CTDSPL: variants seen among roughly 807,000 people sequenced by gnomAD.
The protein encoded by CTDSPL is CTD small phosphatase like, also known as CTD small phosphatase-like protein.
Under a neutral mutation model 30.5 loss-of-function variants are expected in CTDSPL, and 8 were observed. The observed-to-expected ratio is 0.26, with a 90% CI of 0.15 to 0.47. The LOEUF (loss-of-function observed/expected upper bound fraction) is 0.47. Ranked by LOEUF, CTDSPL falls within the 20% of genes least tolerant of loss-of-function variation. The pLI, the probability that CTDSPL is intolerant of heterozygous loss-of-function variation, is 0.99. For missense variants in CTDSPL, 248 were observed against 366.1 expected (o/e 0.68, Z 2.63); for synonymous variants, 110 against 137.9 (o/e 0.80, Z 1.42).
chr3:37,955,376 G>A (rs139924454), intron 2 of CTDSPL, among the ~76,000 whole-genome samples: 267 of 152,254 alleles, frequency 1.8e-3, no homozygotes, highest in African/African-American at 6.0e-3. Flanking sequence ...GCAGTGAGCC[G>A]TGATCACACC....
intron 1 of CTDSPL, among the ~76,000 whole-genome samples, chr3:37,888,903 C>T (rs1256425586): frequency 6.6e-6 from 1 of 152,236 alleles, no homozygotes; most frequent in Non-Finnish European, 1.5e-5. Context: ...TGCCTCAGCA[C>T]TTGTTAGCCT....
chr3:37,960,500 A>T (rs1313355530), intron 3 of CTDSPL, among the ~76,000 whole-genome samples: 8 of 58,218 alleles, frequency 1.4e-4, no homozygotes, highest in African/African-American at 5.6e-4. Flanking sequence ...AAAAAAAAAA[A>T]AAAAAATATA....
At chr3:37,887,027 GA>G (rs976634064) in intron 1 of CTDSPL, among the ~76,000 whole-genome samples, 2 of 152,146 alleles carry the variant, frequency 1.3e-5, no homozygotes, top group African/African-American at 4.8e-5. Context: ...AAGCTTTTCT[GA>G]AGCTTTCTCA....
intron 1 of CTDSPL, among the ~76,000 whole-genome samples, chr3:37,900,053 T>C (rs1428356132): frequency 6.6e-6 from 1 of 152,212 alleles, no homozygotes; most frequent in Non-Finnish European, 1.5e-5. Context: ...CCTGGGGCCT[T>C]TAATCACAAT....
At chr3:37,916,974 C>T (rs1352023309) in intron 1 of CTDSPL, among the ~76,000 whole-genome samples, 1 of 152,134 alleles carries the variant, frequency 6.6e-6, no homozygotes, top group Non-Finnish European at 1.5e-5. Flanking sequence ...GCTTTCTGCT[C>T]CACTGACATG....
intron 1 of CTDSPL, among the ~76,000 whole-genome samples, chr3:37,925,501 C>T (rs1426085938): frequency 1.3e-5 from 2 of 152,178 alleles, no homozygotes; most frequent in Non-Finnish European, 2.9e-5. Flanking sequence ...AGGGCCTTGC[C>T]TTCACCTATC....
At position 37,927,677 on chromosome 3, in the gene CTDSPL, T is replaced by TGTGA. The variant is rs61490602; in HGVS notation, c.80-19378_80-19377insGAGT. Among the ~76,000 whole-genome samples the TGTGA allele has an allele frequency of 1.8e-4, 22 of 122,268 alleles. No homozygotes were observed. In the Admixed American group the frequency reaches 1.8e-3, roughly 10 times the overall value. 80.2% of individuals were successfully genotyped at this position (122,268 alleles called of 152,430 possible). A position where few individuals can be genotyped will look rare whatever the true frequency, so the allele number is the denominator to read the frequency against. ...GTGTGTGTGTGTGTGTGTGTGTGTG[T>TGTGA]GTATGTGTATATATATATATATATA... On this transcript the variant is annotated intron_variant, in intron 1 of 7. Transcript: ENST00000273179.
At chr3:37,863,690 C>G (rs1391108997) in intron 1 of CTDSPL, among the ~76,000 whole-genome samples, 1 of 152,144 alleles carries the variant, frequency 6.6e-6, no homozygotes, top group African/African-American at 2.4e-5. Flanking sequence ...GTGTGCAGCC[C>G]CTGCTAGAAA....
At chr3:37,925,201 C>T (rs1475179288) in intron 1 of CTDSPL, among the ~76,000 whole-genome samples, 2 of 152,164 alleles carry the variant, frequency 1.3e-5, no homozygotes, top group Non-Finnish European at 2.9e-5. Context: ...CCTTGTTTGA[C>T]CCCTCTGAAT....
intron 1 of CTDSPL, among the ~76,000 whole-genome samples, chr3:37,940,123 A>G (rs978282197): frequency 6.0e-5 from 9 of 149,990 alleles, no homozygotes; most frequent in African/African-American, 2.2e-4. Flanking sequence ...ACCCCTCGCT[A>G]CTCATAGTCC....
chr3:37,955,640 C>T (rs560477785), intron 2 of CTDSPL, among the ~76,000 whole-genome samples: 2 of 152,108 alleles, frequency 1.3e-5, no homozygotes, highest in African/African-American at 4.8e-5. Flanking sequence ...GAGCTAAACA[C>T]TGAATACTCA....
intron 1 of CTDSPL, among the ~76,000 whole-genome samples, chr3:37,926,062 T>G (rs1321081576): frequency 6.6e-6 from 1 of 152,194 alleles, no homozygotes; most frequent in Non-Finnish European, 1.5e-5. Flanking sequence ...AATAAGCAAG[T>G]GTTGGATGAA....
chr3:37,916,789 G>A (rs1423884863), intron 1 of CTDSPL, among the ~76,000 whole-genome samples: 2 of 152,164 alleles, frequency 1.3e-5, no homozygotes, highest in African/African-American at 4.8e-5. Context: ...GCTTTATAAT[G>A]TACAGAGTAC....
intron 2 of CTDSPL, among the ~76,000 whole-genome samples, chr3:37,956,015 A>G (rs1699168801): frequency 6.6e-6 from 1 of 152,216 alleles, no homozygotes; most frequent in Non-Finnish European, 1.5e-5. Flanking sequence ...GGAGAGCAGC[A>G]TAGCTCTGCC....
intron 1 of CTDSPL, among the ~76,000 whole-genome samples, chr3:37,866,369 G>T (rs906467235): frequency 6.6e-6 from 1 of 152,024 alleles, no homozygotes; most frequent in Non-Finnish European, 1.5e-5. Flanking sequence ...TAGAAATACA[G>T]AAAAAGTAAT....
At chr3:37,941,306 C>CT (rs1232728615) in intron 1 of CTDSPL, among the ~76,000 whole-genome samples, 2 of 150,196 alleles carry the variant, frequency 1.3e-5, no homozygotes, top group Middle Eastern at 3.3e-3. Flanking sequence ...ACTTCTCTAC[C>CT]TCATCTACCT....
chr3:37,868,277 G>A (rs1466206459), intron 1 of CTDSPL, among the ~76,000 whole-genome samples: 2 of 151,542 alleles, frequency 1.3e-5, no homozygotes, highest in African/African-American at 2.4e-5. Flanking sequence ...TTTTTAAACC[G>A]TCAAGTTTTG....
chr3:37,974,001 G>A (rs1208450914), intron 6 of CTDSPL, among the ~76,000 whole-genome samples: 1 of 152,274 alleles, frequency 6.6e-6, no homozygotes, highest in African/African-American at 2.4e-5. Context: ...GACAGCTTTA[G>A]ACGTGGCCCA....
At chr3:37,925,044 C>T (rs887516965) in intron 1 of CTDSPL, among the ~76,000 whole-genome samples, 1 of 152,180 alleles carries the variant, frequency 6.6e-6, no homozygotes, top group African/African-American at 2.4e-5. Flanking sequence ...TGCCACCAGC[C>T]AAACTGTCCT....
Sources: allele counts gnomAD v4.1 joint callset (sites outside exome capture counted in the v4.1 genomes callset), GRCh38; gene constraint gnomAD v4.1.1; transcripts MANE v1.5; gene names NCBI Gene and HGNC (gene_info 2026-07-23, HGNC 2026-07-21).